SLC35F4: variants seen among roughly 807,000 people sequenced by gnomAD.
SLC35F4 encodes the protein chromosome 14 open reading frame 36.
In SLC35F4, 24 loss-of-function variants were observed where a neutral mutation model predicts 44.2. That is an observed-to-expected ratio of 0.54 (90% confidence interval 0.39 to 0.76). The LOEUF (loss-of-function observed/expected upper bound fraction) is 0.76. Among genes scored for constraint, SLC35F4 ranks in the 30% least tolerant of loss-of-function variants. The pLI is 0.00. For synonymous variants in SLC35F4, 238 were observed against 223.6 expected (o/e 1.06, Z -0.57); for missense variants, 562 against 586.1 (o/e 0.96, Z 0.42).
intron 1 of SLC35F4, among the ~76,000 whole-genome samples, chr14:57,967,287 C>T (rs1048337643): frequency 3.3e-5 from 5 of 152,144 alleles, no homozygotes; most frequent in Non-Finnish European, 2.9e-5. Flanking sequence ...AATGTCATTA[C>T]TGTTAAGGCT....
intron 1 of SLC35F4, among the ~76,000 whole-genome samples, chr14:57,691,503 G>A (rs1171437873): frequency 6.6e-6 from 1 of 152,152 alleles, no homozygotes; most frequent in Non-Finnish European, 1.5e-5. Flanking sequence ...ACTAGCATGT[G>A]AATAAATCAA....
At chr14:57,910,164 T>G (rs573861099) in intron 1 of SLC35F4, among the ~76,000 whole-genome samples, 1 of 152,266 alleles carries the variant, frequency 6.6e-6, no homozygotes, top group South Asian at 2.1e-4. Flanking sequence ...TTCTTATTAC[T>G]GAGTTTTAAG....
At chr14:57,792,208 C>T (rs1027732814) in intron 1 of SLC35F4, among the ~76,000 whole-genome samples, 5 of 151,930 alleles carry the variant, frequency 3.3e-5, no homozygotes, top group South Asian at 2.1e-4. Context: ...AATGACAATG[C>T]GATACTACCT....
intron 1 of SLC35F4, among the ~76,000 whole-genome samples, chr14:57,845,365 G>A (rs1885920548): frequency 6.6e-6 from 1 of 152,198 alleles, no homozygotes; most frequent in Admixed American, 6.5e-5. Context: ...ACTACACAGA[G>A]TGGCTGTGAG....
Position 57,925,584 on chromosome 14 carries a change from G to A in SLC35F4, n.282+56329C>T, listed in dbSNP as rs575010759. ...AAGGATGACAGGCAGGAGAGTCCTG[G>A]AGTAAATAGAATAGAGAAACACTTA... On this transcript the variant is annotated intron_variant and non_coding_transcript_variant, in intron 1 of 1. Transcript: ENST00000556568. Among the ~76,000 whole-genome samples, 173 of 149,410 alleles carry A rather than the reference G, an allele frequency of 1.2e-3. 1 individual carries two copies. Among genetic ancestry groups the A allele is most frequent in the African/African-American group, 3.5e-3 (142 of 40,444 alleles).
At chr14:57,927,809 A>G (rs1473502280) in intron 1 of SLC35F4, among the ~76,000 whole-genome samples, 1 of 151,952 alleles carries the variant, frequency 6.6e-6, no homozygotes, top group Non-Finnish European at 1.5e-5. Context: ...TTTATTCTCT[A>G]ACTATTACAG....
chr14:57,861,109 G>A (rs1029599587), intron 1 of SLC35F4, among the ~76,000 whole-genome samples: 7 of 152,036 alleles, frequency 4.6e-5, no homozygotes, highest in East Asian at 3.9e-4. Context: ...CAACCTGAGC[G>A]CACTTCCCCA....
chr14:57,716,092 A>T (rs1319871424), intron 1 of SLC35F4, among the ~76,000 whole-genome samples: 1 of 152,214 alleles, frequency 6.6e-6, no homozygotes, highest in African/African-American at 2.4e-5. Flanking sequence ...TGATGTCTTC[A>T]GGAGAGAGGA....
chr14:57,677,483 T>C (rs1057224141), intron 1 of SLC35F4, among the ~76,000 whole-genome samples: 1 of 152,078 alleles, frequency 6.6e-6, no homozygotes, highest in Non-Finnish European at 1.5e-5. Flanking sequence ...AATGTGTTAA[T>C]GATAGACTCT....
intron 1 of SLC35F4, among the ~76,000 whole-genome samples, chr14:57,743,351 G>C: frequency 6.6e-6 from 1 of 152,188 alleles, no homozygotes; most frequent in African/African-American, 2.4e-5. Flanking sequence ...GAAGAAAAGA[G>C]AGAAGAATCA....
intron 7 of SLC35F4, 115 bp downstream of exon 7, chr14:57,566,360 C>G: frequency 1.0e-6 from 1 of 958,194 alleles, no homozygotes. Flanking sequence ...AAAACATCTT[C>G]CCAGGCAAGG....
intron 1 of SLC35F4, among the ~76,000 whole-genome samples, chr14:57,617,109 C>T (rs1165625417): frequency 6.8e-6 from 1 of 147,342 alleles, no homozygotes; most frequent in Non-Finnish European, 1.5e-5. Context: ...GAAATTCGAG[C>T]TCAGCTTAAC....
intron 1 of SLC35F4, among the ~76,000 whole-genome samples, chr14:57,600,670 C>A (rs1363654807): frequency 1.1e-5 from 1 of 87,510 alleles, no homozygotes; most frequent in African/African-American, 4.5e-5. Context: ...CCAGCCTGGG[C>A]GACAGAGCAA....
At chr14:57,580,439 C>T in intron 4 of SLC35F4, 1 of 241,508 alleles carries the variant, frequency 4.1e-6, no homozygotes, top group Non-Finnish European at 8.5e-6. Context: ...TCATTTATAC[C>T]TCCTTCTAAA....
intron 1 of SLC35F4, among the ~76,000 whole-genome samples, chr14:57,676,784 T>C (rs926906095): frequency 6.6e-6 from 1 of 151,958 alleles, no homozygotes; most frequent in Non-Finnish European, 1.5e-5. Context: ...ATGGATGTGG[T>C]GAAAAGAGAA....
intron 1 of SLC35F4, among the ~76,000 whole-genome samples, chr14:57,905,612 T>C (rs1260193858): frequency 6.6e-6 from 1 of 152,152 alleles, no homozygotes; most frequent in Non-Finnish European, 1.5e-5. Context: ...TACTGAACCT[T>C]AGAGTACTTT....
chr14:57,661,651 A>G (rs1481786990), intron 1 of SLC35F4, among the ~76,000 whole-genome samples: 2 of 152,200 alleles, frequency 1.3e-5, no homozygotes, highest in Non-Finnish European at 2.9e-5. Context: ...GTGAAGAAAT[A>G]TGAAGGCTAC....
intron 1 of SLC35F4, among the ~76,000 whole-genome samples, chr14:57,880,055 AGG>A: frequency 1.7e-5 from 1 of 59,400 alleles, no homozygotes; most frequent in African/African-American, 7.0e-5. Context: ...GAAGGAAGGA[AGG>A]AAGGAAGGAA....
chr14:57,904,007 A>C (rs1441170349), intron 1 of SLC35F4, among the ~76,000 whole-genome samples: 4 of 152,258 alleles, frequency 2.6e-5, no homozygotes, highest in African/African-American at 9.6e-5. Flanking sequence ...AAAGAAAAAA[A>C]GTGCTGCTTT....
Sources: allele counts gnomAD v4.1 joint callset (sites outside exome capture counted in the v4.1 genomes callset), GRCh38; gene constraint gnomAD v4.1.1; transcripts MANE v1.5; gene names NCBI Gene and HGNC (gene_info 2026-07-23, HGNC 2026-07-21).